Variants in ZNF831 observed in about 807,000 individuals in gnomAD.
The protein encoded by ZNF831 is chromosome 20 open reading frame 174.
A neutral mutation model predicts 95.8 loss-of-function variants in ZNF831; 59 were observed. That is an observed-to-expected ratio of 0.62 (90% CI 0.50 to 0.77). ZNF831 has a LOEUF of 0.77. ZNF831 is among the 30% of genes least tolerant of loss of function. The pLI, the probability that ZNF831 is intolerant of heterozygous loss-of-function variation, is 0.00. For missense variants in ZNF831, 2,205 were observed against 2,164.0 expected (o/e 1.02, Z -0.38); for synonymous variants, 961 against 925.5 (o/e 1.04, Z -0.70).
At chr20:59,171,832 C>T (rs1205905438) in intron 1 of ZNF831, among the ~76,000 whole-genome samples, 1 of 152,214 alleles carries the variant, frequency 6.6e-6, no homozygotes, top group Non-Finnish European at 1.5e-5. Context: ...TCTTCCACCA[C>T]CCATTCCACA....
At chr20:59,179,390 C>T (rs1335181797) in intron 1 of ZNF831, among the ~76,000 whole-genome samples, 1 of 152,212 alleles carries the variant, frequency 6.6e-6, no homozygotes, top group Non-Finnish European at 1.5e-5. Flanking sequence ...CTTTCACATC[C>T]TGGATTTGTT....
rs957063491 is a variant in ZNF831 at position 59,191,792 on chromosome 20, A to G, written c.773A>G (p.Asn258Ser). The G allele has an allele frequency of 6.2e-7, 1 of 1,612,822 alleles. No homozygotes were observed. The highest frequency in any genetic ancestry group is 1.3e-5 in the African/African-American group (1 of 74,888). ...PGAHVPLLAK[N>S]LDVRTEAAPC... is the part of the protein sequence containing the mutation. Reference sequence around the variant, plus strand: ...GCCCACGTGCCCCTACTTGCCAAGAACCTGGATGTGAGGACCGAAGCTGCT... The same window carrying G: ...GCCCACGTGCCCCTACTTGCCAAGAGCCTGGATGTGAGGACCGAAGCTGCT... Residue 258 changes from asparagine to serine, a missense_variant, in exon 2 of 6, where the codon AAC becomes AGC. Physicochemically the swap from Asn to Ser is conservative, Grantham distance 46. Transcript: ENST00000371030.
chr20:59,195,653 C>T (rs912739893), intron 2 of ZNF831: 24 of 491,802 alleles, frequency 4.9e-5, no homozygotes, highest in African/African-American at 6.3e-5. Context: ...CTTTCCTCTG[C>T]GGATCAAGCC....
chr20:59,252,835 A>T, intron 4 of ZNF831, 143 bp from the exon 5 acceptor site: 1 of 768,644 alleles, frequency 1.3e-6, no homozygotes, highest in Non-Finnish European at 1.9e-6. Flanking sequence ...GGTTGGAGAT[A>T]AATTGAGTTC....
intron 1 of ZNF831, among the ~76,000 whole-genome samples, 197 bp from the exon 2 acceptor site, chr20:59,190,787 C>G (rs575151805): frequency 2.4e-4 from 37 of 152,352 alleles, no homozygotes; most frequent in Non-Finnish European, 4.7e-4. Flanking sequence ...GCTTGCATGA[C>G]AAGTTACTTC....
intron 1 of ZNF831, among the ~76,000 whole-genome samples, chr20:59,133,496 G>A (rs1270057500): frequency 6.6e-6 from 1 of 152,194 alleles, no homozygotes; most frequent in Non-Finnish European, 1.5e-5. Context: ...CTGTCCATAG[G>A]CATCTCCATG....
At chr20:59,177,086 A>C (rs1199812968) in intron 1 of ZNF831, among the ~76,000 whole-genome samples, 1 of 152,210 alleles carries the variant, frequency 6.6e-6, no homozygotes, top group African/African-American at 2.4e-5. Context: ...TCTGGATGGC[A>C]GTTCTCATCC....
chr20:59,211,829 GT>G (rs780417188), intron 4 of ZNF831, among the ~76,000 whole-genome samples: 1 of 151,132 alleles, frequency 6.6e-6, no homozygotes, highest in Admixed American at 6.6e-5. Context: ...GTGTGCCTGT[GT>G]TTTTTTCTTT....
At chr20:59,148,409 C>CTGACTCTG (rs1980000846) in intron 2 of ZNF831, among the ~76,000 whole-genome samples, 3 of 116,978 alleles carry the variant, frequency 2.6e-5, no homozygotes, top group Admixed American at 7.6e-5. Context: ...CGGCCGGGCG[C>CTGACTCTG]GGTGGCTCAC....
At chr20:59,178,968 C>T (rs1243008606) in intron 1 of ZNF831, among the ~76,000 whole-genome samples, 1 of 152,114 alleles carries the variant, frequency 6.6e-6, no homozygotes, top group Non-Finnish European at 1.5e-5. Flanking sequence ...TCCTTATGTC[C>T]CCATATGTCG....
intron 1 of ZNF831, among the ~76,000 whole-genome samples, chr20:59,187,421 G>T (rs759464955): frequency 2.0e-5 from 3 of 152,122 alleles, no homozygotes; most frequent in Non-Finnish European, 4.4e-5. Context: ...GTACCAGGAT[G>T]CAGGCCCTCA....
In ZNF831 at chr20:59,254,880, A is replaced by G; in HGVS notation, c.*137A>G. 2.3e-6 allele frequency: 3 copies of G among 1,283,482 alleles called. No individual in the cohort carries two copies. The highest frequency in any genetic ancestry group is 3.2e-6 in the Non-Finnish European group (3 of 946,828). 79.5% of individuals were successfully genotyped at this position (1,283,482 alleles called of 1,614,324 possible). A position where few individuals can be genotyped will look rare whatever the true frequency, so the allele number is the denominator to read the frequency against. On this transcript the variant is annotated 3_prime_UTR_variant, in exon 6 of 6. Transcript: ENST00000371030. The surrounding 1 kb of genome is among the most constrained non-coding windows in gnomAD (Gnocchi z 4.5). ...GGAAAGCCATTTTGAGTTATTTACA[A>G]GCCAACTCCAACCAACTTCTGACCC...
chr20:59,207,335 T>A (rs1382794166), intron 4 of ZNF831, among the ~76,000 whole-genome samples: 1 of 152,212 alleles, frequency 6.6e-6, no homozygotes, highest in African/African-American at 2.4e-5. Flanking sequence ...CAGGTGCAGG[T>A]TCCCTCCAGG....
At chr20:59,181,573 G>T (rs909714642) in intron 1 of ZNF831, among the ~76,000 whole-genome samples, 4 of 152,074 alleles carry the variant, frequency 2.6e-5, no homozygotes, top group African/African-American at 9.7e-5. Flanking sequence ...TCCAGTTTCT[G>T]CTTTTTGCAT....
intron 1 of ZNF831, among the ~76,000 whole-genome samples, chr20:59,129,599 G>C (rs1163295653): frequency 6.6e-6 from 1 of 152,162 alleles, no homozygotes; most frequent in African/African-American, 2.4e-5. Flanking sequence ...CTCCAGCCTG[G>C]GTGACAGAGT....
At chr20:59,220,726 C>T (rs991109702) in intron 4 of ZNF831, among the ~76,000 whole-genome samples, 7 of 152,164 alleles carry the variant, frequency 4.6e-5, no homozygotes, top group African/African-American at 1.7e-4. Context: ...TCTGCTCCTT[C>T]TGATGCCAGA....
At position 59,253,881 on chromosome 20, in the gene ZNF831, T is replaced by TTTTCAC; in HGVS notation, c.4189-15_4189-14insTCACTT. 2 of 758,104 alleles carry TTTTCAC rather than the reference T, an allele frequency of 2.6e-6. No homozygotes were observed. Among genetic ancestry groups the TTTTCAC allele is most frequent in the South Asian group, 2.2e-5 (1 of 45,004 alleles). 47.0% of individuals were successfully genotyped at this position (758,104 alleles called of 1,614,324 possible). A position where few individuals can be genotyped will look rare whatever the true frequency, so the allele number is the denominator to read the frequency against. On this transcript the variant is annotated splice_polypyrimidine_tract_variant and intron_variant, in intron 5 of 5. Coordinates refer to ENST00000371030, the MANE Select transcript of ZNF831 (RefSeq NM_178457.3). ...ACCTCCCCCCCCACTTTTTTTTTCC[T>TTTTCAC]TTGCACTTTGTTGCAGGATATTTCT...
intron 1 of ZNF831, among the ~76,000 whole-genome samples, chr20:59,142,528 G>A (rs901821719): frequency 9.9e-5 from 15 of 152,206 alleles, no homozygotes; most frequent in African/African-American, 2.4e-4. Flanking sequence ...ACAAGATGAC[G>A]TTAGGGTGCG....
At chr20:59,195,631 C>G (rs1399074214) in intron 2 of ZNF831, among the ~76,000 whole-genome samples, 1 of 152,150 alleles carries the variant, frequency 6.6e-6, no homozygotes, top group Non-Finnish European at 1.5e-5. Context: ...CAGTTAACAC[C>G]GATGGCATAG....
Sources: gnomAD v4.1 joint callset for allele counts (sites outside exome capture counted in the v4.1 genomes callset) on GRCh38, gnomAD v4.1.1 for gene constraint, Gnocchi (gnomAD v3.1) non-coding constraint, MANE v1.5 for transcripts, NCBI Gene and HGNC (gene_info 2026-07-23, HGNC 2026-07-21) for gene names.